UBAP2: variants seen among roughly 807,000 people sequenced by gnomAD.
The protein encoded by UBAP2 is ubiquitin-associated protein 2.
Under a neutral mutation model 139.6 loss-of-function variants are expected in UBAP2, and 75 were observed. The observed-to-expected ratio is 0.54, with a 90% CI of 0.45 to 0.65. UBAP2 has a LOEUF of 0.65. Among genes scored for constraint, UBAP2 ranks in the 30% least tolerant of loss-of-function variants. The pLI is 0.00. For synonymous variants in UBAP2, 526 were observed against 526.2 expected (o/e 1.00, Z 0.01); for missense variants, 1,368 against 1,369.6 (o/e 1.00, Z 0.02).
chr9:33,955,548 G>A (rs1284145718), intron 11 of UBAP2, among the ~76,000 whole-genome samples: 1 of 151,558 alleles, frequency 6.6e-6, no homozygotes, highest in African/African-American at 2.4e-5. Context: ...AAAAAAAAGG[G>A]CCAGGTGTGG....
At chr9:33,944,689 C>A in intron 13 of UBAP2, 50 bp from the exon 14 acceptor site, 2 of 1,584,706 alleles carry the variant, frequency 1.3e-6, no homozygotes, top group South Asian at 2.3e-5. Flanking sequence ...TCACAATGTT[C>A]TTCAATAGAA....
rs201348462 is a variant in UBAP2, at chr9:33,986,853, C to A, written c.443-16G>T. Reference sequence around the variant, plus strand: ...TCACCTCTAACTAGGGGGAAAAGAGCAGAAAAATCAAATTTCCATTTCCAA... The same window carrying A: ...TCACCTCTAACTAGGGGGAAAAGAGAAGAAAAATCAAATTTCCATTTCCAA... On this transcript the variant is annotated splice_polypyrimidine_tract_variant and intron_variant, in intron 5 of 28. Transcript: ENST00000379238. The A allele has an allele frequency of 1.4e-5, 23 of 1,610,866 alleles. No homozygotes were observed. Among genetic ancestry groups the A allele is most frequent in the Non-Finnish European group, 1.9e-5 (22 of 1,177,392 alleles).
In UBAP2 at chr9:33,926,600, G is replaced by A; in HGVS notation, c.2511+17C>T. The A allele has an allele frequency of 6.2e-7, 1 of 1,614,124 alleles. No individual in the cohort carries two copies. Among genetic ancestry groups the A allele is most frequent in the Non-Finnish European group, 8.5e-7 (1 of 1,179,976 alleles). ...GATTCTGAACCCTCTGCTCCGACCA[G>A]TCCATACCCCACTCACCACTGGCAG... On this transcript the variant is annotated intron_variant, in intron 22 of 28. Coordinates refer to ENST00000379238, the MANE Select transcript of UBAP2 (RefSeq NM_001370062.2).
rs770794699 is a variant in UBAP2 at position 33,924,209 on chromosome 9, G to A, written c.2587C>T (p.Pro863Ser). The A allele has an allele frequency of 6.2e-7, 1 of 1,614,212 alleles. No homozygotes were observed. The highest frequency in any genetic ancestry group is 1.7e-5 in the Admixed American group (1 of 60,026). ...CTCATCCATTGAGCAAACTCACCTGGATATGGATTATTAGCTAGGCTCCCA... is the reference window on the plus strand; with the variant it reads ...CTCATCCATTGAGCAAACTCACCTGAATATGGATTATTAGCTAGGCTCCCA... ...RDGSLANNPY[P>S]GDVTKFGRGD... The change falls in exon 23 of 29, where the codon CCA becomes TCA. Residue 863 changes from proline to serine, a missense_variant. Transcript: ENST00000379238.
intron 2 of UBAP2, among the ~76,000 whole-genome samples, chr9:34,012,475 G>A (rs1823837598): frequency 6.7e-6 from 1 of 149,754 alleles, no homozygotes; most frequent in East Asian, 2.0e-4. Flanking sequence ...AGGTTGCAGT[G>A]AGCTGAGATC....
intron 12 of UBAP2, among the ~76,000 whole-genome samples, chr9:33,950,406 A>G (rs1826002414): frequency 6.6e-6 from 1 of 152,204 alleles, no homozygotes; most frequent in Admixed American, 6.5e-5. Context: ...AAGGTCAAAA[A>G]CAAATACTTT....
At chr9:34,032,275 G>T (rs1825953782) in intron 1 of UBAP2, among the ~76,000 whole-genome samples, 1 of 152,186 alleles carries the variant, frequency 6.6e-6, no homozygotes, top group African/African-American at 2.4e-5. Context: ...TTGAAAGGAT[G>T]AAAGTAAGAA....
chr9:34,001,747 T>C (rs1291659367), intron 2 of UBAP2, among the ~76,000 whole-genome samples: 2 of 152,118 alleles, frequency 1.3e-5, no homozygotes, highest in African/African-American at 2.4e-5. Context: ...ACACTATTAT[T>C]TTCTGCTCCC....
Position 34,000,713 on chromosome 9 carries a change from TA to T in UBAP2, c.100-1850del, listed in dbSNP as rs1289401454. 3.9e-5 allele frequency among the ~76,000 whole-genome samples: 6 copies of T among 152,338 alleles called. No individual in the cohort carries two copies. In the East Asian group the frequency reaches 1.2e-3, roughly 29 times the overall value. On this transcript the variant is annotated intron_variant, in intron 2 of 28. Transcript: ENST00000379238. ...GTTTTTTATATACACTCATTTCAAATAATCTTGACTGAAGTGGGATAAGTGG... is the reference window on the plus strand; with the variant it reads ...GTTTTTTATATACACTCATTTCAAATATCTTGACTGAAGTGGGATAAGTGG...
chr9:33,933,711 C>T, intron 17 of UBAP2, 83 bp from the exon 18 acceptor site: 2 of 1,554,188 alleles, frequency 1.3e-6, no homozygotes, highest in Non-Finnish European at 8.7e-7. Flanking sequence ...TGCTCAATAT[C>T]TTGTGACATG....
intron 2 of UBAP2, among the ~76,000 whole-genome samples, chr9:33,999,387 T>A (rs1822492358): frequency 6.7e-6 from 1 of 148,410 alleles, no homozygotes; most frequent in Non-Finnish European, 1.5e-5. Context: ...CAAAAAATAA[T>A]AAAAGAAAAA....
At chr9:34,045,550 T>C (rs1334335994) in intron 1 of UBAP2, among the ~76,000 whole-genome samples, 2 of 151,810 alleles carry the variant, frequency 1.3e-5, no homozygotes, top group Non-Finnish European at 1.5e-5. Flanking sequence ...ATTTTTGTAT[T>C]TTTAGTAGAG....
chr9:33,994,805 C>T (rs1270841337), intron 4 of UBAP2: 1 of 152,100 alleles, frequency 6.6e-6, no homozygotes, highest in Admixed American at 6.6e-5. Context: ...TAAAAGAATT[C>T]ATTCTCTTTG....
chr9:33,955,964 C>T, intron 11 of UBAP2, 115 bp downstream of exon 11: 1 of 759,414 alleles, frequency 1.3e-6, no homozygotes, highest in South Asian at 2.1e-5. Flanking sequence ...AAAAGTTAGC[C>T]TTGGATAAAA....
At chr9:33,980,548 T>C (rs1447475918) in intron 6 of UBAP2, among the ~76,000 whole-genome samples, 1 of 152,018 alleles carries the variant, frequency 6.6e-6, no homozygotes, top group East Asian at 1.9e-4. Context: ...GCGAGCGTCA[T>C]TTCTAATACA....
intron 6 of UBAP2, among the ~76,000 whole-genome samples, chr9:33,978,106 C>A (rs991548760): frequency 1.3e-5 from 2 of 149,872 alleles, no homozygotes; most frequent in African/African-American, 4.9e-5. Flanking sequence ...TATAGAGGCA[C>A]AATAATGGCA....
At chr9:33,949,740 C>A (rs569751320) in intron 12 of UBAP2, among the ~76,000 whole-genome samples, 2 of 152,118 alleles carry the variant, frequency 1.3e-5, no homozygotes, top group Admixed American at 1.3e-4. Flanking sequence ...CACACACGCA[C>A]AAGATCAAAT....
chr9:33,923,299 G>T lies in UBAP2; in HGVS notation c.2897-6C>A, dbSNP rs2296366. Reference sequence around the variant, plus strand: ...CTGGGTCAGGTCGTCATAACCTAGCGTGGCAGGGTACAAGAGGCAAGTGTG... The same window carrying T: ...CTGGGTCAGGTCGTCATAACCTAGCTTGGCAGGGTACAAGAGGCAAGTGTG... On this transcript the variant is annotated splice_polypyrimidine_tract_variant and splice_region_variant and intron_variant, in intron 25 of 28. Transcript: ENST00000379238. 8.7e-6 allele frequency: 14 copies of T among 1,614,092 alleles called. No homozygotes were observed. The highest frequency in any genetic ancestry group is 1.2e-5 in the Non-Finnish European group (14 of 1,179,932).
Position 33,933,470 on chromosome 9 carries a change from G to A in UBAP2, c.2108+20C>T, listed in dbSNP as rs1824181172. 1 of 1,612,258 alleles carries A rather than the reference G, an allele frequency of 6.2e-7. No individual in the cohort carries two copies. Among genetic ancestry groups the A allele is most frequent in the Non-Finnish European group, 8.5e-7 (1 of 1,179,314 alleles). On this transcript the variant is annotated intron_variant, in intron 18 of 28. Transcript: ENST00000379238. ...TTGCCCCAAGGTACTTCTCACTTTG[G>A]GCCCACACCTTCCCCATACCTGCTA...
Sources: gnomAD v4.1 joint callset for allele counts (sites outside exome capture counted in the v4.1 genomes callset) on GRCh38, gnomAD v4.1.1 for gene constraint, MANE v1.5 for transcripts, NCBI Gene and HGNC (gene_info 2026-07-23, HGNC 2026-07-21) for gene names.